ERC2: variants seen among roughly 807,000 people sequenced by gnomAD.
ERC2 encodes ELKS/RAB6-interacting/CAST family member 2.
ERC2 carries 42 observed loss-of-function variants against 114.8 expected under a neutral mutation model. The ratio of observed to expected loss-of-function variants is 0.37; its 90% CI spans 0.29 to 0.47. The LOEUF (loss-of-function observed/expected upper bound fraction) is 0.47, where lower values mean the gene tolerates loss of function less well. Ranked by LOEUF, ERC2 falls within the 20% of genes least tolerant of loss-of-function variation. ERC2 has a pLI of 0.99. For synonymous variants in ERC2, 454 were observed against 425.5 expected (o/e 1.07, Z -0.82); for missense variants, 939 against 1,150.7 (o/e 0.82, Z 2.66).
At chr3:55,585,126 C>T (rs990273716) in intron 17 of ERC2, among the ~76,000 whole-genome samples, 8 of 152,178 alleles carry the variant, frequency 5.3e-5, no homozygotes, top group East Asian at 1.9e-4. Flanking sequence ...CTCGGTTTAC[C>T]GTAAAATTCA....
At chr3:55,810,983 G>A (rs899154432) in intron 14 of ERC2, among the ~76,000 whole-genome samples, 38 of 152,024 alleles carry the variant, frequency 2.5e-4, no homozygotes, top group Non-Finnish European at 4.9e-4. Flanking sequence ...ATATTTTAAC[G>A]TTTCAGAAAC....
chr3:55,845,643 C>A (rs1230637794), intron 14 of ERC2, among the ~76,000 whole-genome samples: 1 of 151,934 alleles, frequency 6.6e-6, no homozygotes, highest in Non-Finnish European at 1.5e-5. Flanking sequence ...GCAATTTTCA[C>A]TCTTAAACCT....
intron 17 of ERC2, among the ~76,000 whole-genome samples, chr3:55,617,572 A>G (rs2059172333): frequency 2.0e-5 from 3 of 152,270 alleles, no homozygotes; most frequent in East Asian, 1.9e-4. Context: ...ACAAGCCAGG[A>G]AAGACCTGCA....
intron 17 of ERC2, among the ~76,000 whole-genome samples, chr3:55,561,423 G>A (rs1315186091): frequency 1.3e-5 from 2 of 152,100 alleles, no homozygotes; most frequent in Admixed American, 1.3e-4. Context: ...GGAAGACTTG[G>A]CAAACGGGGC....
intron 15 of ERC2, among the ~76,000 whole-genome samples, chr3:55,718,497 T>A (rs1286654667): frequency 6.6e-6 from 1 of 152,206 alleles, no homozygotes; most frequent in Non-Finnish European, 1.5e-5. Context: ...GAACCTATTA[T>A]CAAGTATATT....
At chr3:55,580,802 T>G (rs2057223056) in intron 17 of ERC2, among the ~76,000 whole-genome samples, 1 of 152,214 alleles carries the variant, frequency 6.6e-6, no homozygotes, top group Non-Finnish European at 1.5e-5. Context: ...CAACAGCCTA[T>G]GTGCTTGCCT....
chr3:55,926,324 T>C (rs2065744222), intron 13 of ERC2, among the ~76,000 whole-genome samples: 1 of 151,918 alleles, frequency 6.6e-6, no homozygotes, highest in Non-Finnish European at 1.5e-5. Context: ...AAGGTCTACA[T>C]GCTGTGCCTA....
At chr3:56,126,802 A>AAAGGG (rs1560216453) in intron 6 of ERC2, among the ~76,000 whole-genome samples, 96 of 140,520 alleles carry the variant, frequency 6.8e-4, no homozygotes, top group African/African-American at 2.4e-3. Context: ...GAAGGAAAGG[A>AAAGGG]AAGGGAAGGA....
At chr3:55,830,912 CCAGTCTG>C (rs2060540283) in intron 14 of ERC2, among the ~76,000 whole-genome samples, 1 of 151,984 alleles carries the variant, frequency 6.6e-6, no homozygotes, top group Non-Finnish European at 1.5e-5. Flanking sequence ...CCACTGAACT[CCAGTCTG>C]AGTGGCAGAG....
chr3:56,223,518 C>CAAAAAAAAAAAAAA (rs60141863), intron 3 of ERC2, among the ~76,000 whole-genome samples: 1 of 123,010 alleles, frequency 8.1e-6, no homozygotes, highest in African/African-American at 3.2e-5. Context: ...AGAAAAATGG[C>CAAAAAAAAAAAAAA]AAAAAAAAAA....
At chr3:55,720,800 T>C (rs2064500806) in intron 15 of ERC2, among the ~76,000 whole-genome samples, 1 of 152,184 alleles carries the variant, frequency 6.6e-6, no homozygotes, top group Non-Finnish European at 1.5e-5. Flanking sequence ...CACCATTCCT[T>C]GAAGCACAGT....
At chr3:56,209,962 C>T (rs138468072) in intron 3 of ERC2, among the ~76,000 whole-genome samples, 103 of 152,292 alleles carry the variant, frequency 6.8e-4, no homozygotes, top group African/African-American at 2.2e-3. Flanking sequence ...TATAAAAATA[C>T]ATACTTTACA....
chr3:56,146,521 CATT>C (rs1478492291), intron 5 of ERC2, among the ~76,000 whole-genome samples: 3 of 152,142 alleles, frequency 2.0e-5, no homozygotes, highest in Admixed American at 6.5e-5. Flanking sequence ...CCATTTTTCT[CATT>C]AGTCAAGTTA....
chr3:56,347,422 G>A (rs1462894478), intron 2 of ERC2, among the ~76,000 whole-genome samples: 1 of 151,958 alleles, frequency 6.6e-6, no homozygotes, highest in South Asian at 2.1e-4. Context: ...GAGGCTGGAG[G>A]AGGAAGGCTT....
Position 55,733,536 on chromosome 3 carries a change from TCTCTCTCACACACACACA to T in ERC2, c.2712+1217_2712+1234del, listed in dbSNP as rs746955926. On this transcript the variant is annotated intron_variant, in intron 15 of 17. Transcript: ENST00000288221. ...TTCTCTCTGTCTCTCATTCTTTCTC[TCTCTCTCACACACACACA>T]CACACACACACACACACACACACAC... Among the ~76,000 whole-genome samples, 140 of 68,636 alleles carry T rather than the reference TCTCTCTCACACACACACA, an allele frequency of 2.0e-3. 1 individual carries two copies. Among genetic ancestry groups the T allele is most frequent in the East Asian group, 2.5e-3 (6 of 2,420 alleles). The allele number at this position is 68,636 out of a possible 152,430, so 45.0% of individuals were successfully genotyped here. A position where few individuals can be genotyped will look rare whatever the true frequency, so the allele number is the denominator to read the frequency against.
chr3:56,333,244 C>T (rs1197319867), intron 2 of ERC2, among the ~76,000 whole-genome samples: 1 of 152,168 alleles, frequency 6.6e-6, no homozygotes, highest in Non-Finnish European at 1.5e-5. Context: ...GATGAAGAAC[C>T]TTAAATATGT....
At chr3:55,729,108 T>C (rs1377110989) in intron 15 of ERC2, among the ~76,000 whole-genome samples, 2 of 152,208 alleles carry the variant, frequency 1.3e-5, no homozygotes, top group Non-Finnish European at 1.5e-5. Flanking sequence ...TAGTGTATTC[T>C]GCTTCCTAAC....
At chr3:55,972,800 G>A (rs1309255754) in intron 12 of ERC2, among the ~76,000 whole-genome samples, 1 of 152,140 alleles carries the variant, frequency 6.6e-6, no homozygotes. Flanking sequence ...AAATCAGGGA[G>A]TAACATTAAA....
chr3:56,440,369 C>A (rs1287676174), intron 1 of ERC2, among the ~76,000 whole-genome samples: 1 of 152,000 alleles, frequency 6.6e-6, no homozygotes, highest in Non-Finnish European at 1.5e-5. Flanking sequence ...CGGTGAAACC[C>A]CATCTCTACT....
Sources: allele counts gnomAD v4.1 joint callset (sites outside exome capture counted in the v4.1 genomes callset), GRCh38; gene constraint gnomAD v4.1.1; transcripts MANE v1.5; gene names NCBI Gene and HGNC (gene_info 2026-07-23, HGNC 2026-07-21).